MMD2: variants seen among roughly 807,000 people sequenced by gnomAD.
The protein encoded by MMD2 is monocyte to macrophage differentiation associated 2.
A neutral mutation model predicts 33.5 loss-of-function variants in MMD2; 30 were observed. That is an observed-to-expected ratio of 0.90 (90% CI 0.67 to 1.22). The LOEUF is 1.22. Among genes scored for constraint, MMD2 ranks in the 50% most tolerant of loss-of-function variants. The probability of loss-of-function intolerance (pLI) is 0.00; values close to 1 mark genes in which losing one functional copy is unlikely to be tolerated. For synonymous variants in MMD2, 129 were observed against 123.0 expected (o/e 1.05, Z -0.32); for missense variants, 364 against 325.4 (o/e 1.12, Z -0.91).
chr7:4,911,338 AG>A, intron 4 of MMD2, 92 bp from the exon 5 acceptor site: 2 of 1,026,720 alleles, frequency 1.9e-6, no homozygotes, highest in Middle Eastern at 2.3e-4. Flanking sequence ...AATGGACCCC[AG>A]GGAAGTCCTG....
At position 4,911,240 on chromosome 7, in the gene MMD2, G is replaced by A. The variant is rs1313616847; in HGVS notation, c.372C>T (p.Asn124=). ...FIAASYAPWL[N]LRELGPWASH... ...AGGCCCAGGGGCCCAGCTCCCGAAG[G>A]TTCAGCCTGGGAGAGAAAGAGCCAA... Residue 124 remains asparagine (N), a synonymous_variant, in exon 5 of 7, where the codon AAC becomes AAT. Transcript: ENST00000401401. The A allele has an allele frequency of 6.3e-7, 1 of 1,587,326 alleles. No individual in the cohort carries two copies. Among genetic ancestry groups the A allele is most frequent in the African/African-American group, 1.3e-5 (1 of 74,486 alleles).
chr7:4,913,186 A>G (rs1422846412), intron 4 of MMD2, among the ~76,000 whole-genome samples: 4 of 152,234 alleles, frequency 2.6e-5, no homozygotes, highest in Non-Finnish European at 5.9e-5. Context: ...CCTTCCAAGT[A>G]GACCTAAAAA....
At chr7:4,937,271 C>T (rs570108512) in intron 1 of MMD2, among the ~76,000 whole-genome samples, 211 of 151,600 alleles carry the variant, frequency 1.4e-3, no homozygotes, top group African/African-American at 4.4e-3. Context: ...GTGGCGCGCA[C>T]CTGTAATCCC....
Position 4,910,783 on chromosome 7 carries a change from G to C in MMD2, c.467+362C>G, listed in dbSNP as rs369317477. On this transcript the variant is annotated intron_variant, in intron 5 of 6. Coordinates refer to ENST00000401401, the MANE Select transcript of MMD2 (RefSeq NM_198403.4). ...AGTTGGGATTACAGGCACCCATCAT[G>C]ACACCCAGCTAATTTTTGTATTTTT... Among the ~76,000 whole-genome samples the C allele has an allele frequency of 3.3e-5, 5 of 152,122 alleles. No homozygotes were observed. In the South Asian group the frequency reaches 8.3e-4, roughly 25 times the overall value.
Position 4,914,529 on chromosome 7 carries a change from CAA to C in MMD2, c.365+1474_365+1475del. On this transcript the variant is annotated intron_variant, in intron 4 of 6. Coordinates refer to ENST00000401401, the MANE Select transcript of MMD2 (RefSeq NM_198403.4). ...TCGGTTTGTTTGTTTTTGTCCCCAA[CAA>C]AGAGAGGGAGCTGGGGGTTTTGTTT... 1.3e-5 allele frequency among the ~76,000 whole-genome samples: 2 copies of C among 152,120 alleles called. 1 individual carries two copies. Among genetic ancestry groups the C allele is most frequent in the East Asian group, 3.8e-4 (2 of 5,204 alleles).
intron 1 of MMD2, among the ~76,000 whole-genome samples, chr7:4,948,642 G>A (rs1786157364): frequency 6.6e-6 from 1 of 152,150 alleles, no homozygotes; most frequent in African/African-American, 2.4e-5. Context: ...TCACAAATGG[G>A]ATTAGTGCCC....
At chr7:4,927,750 G>A (rs1049012964) in intron 1 of MMD2, among the ~76,000 whole-genome samples, 3 of 151,988 alleles carry the variant, frequency 2.0e-5, no homozygotes, top group East Asian at 1.9e-4. Context: ...AAAAATTCCC[G>A]ATGTTTTGGT....
At chr7:4,908,385 G>A (rs1006127379) in intron 6 of MMD2, among the ~76,000 whole-genome samples, 5 of 151,834 alleles carry the variant, frequency 3.3e-5, no homozygotes, top group African/African-American at 9.6e-5. Flanking sequence ...GAGGTGATCT[G>A]CCCACCTTGG....
At chr7:4,926,116 T>C (rs1382704726) in intron 1 of MMD2, among the ~76,000 whole-genome samples, 1 of 151,282 alleles carries the variant, frequency 6.6e-6, no homozygotes, top group African/African-American at 2.4e-5. Context: ...TTTTTTTTCT[T>C]ACACGGGGTC....
intron 1 of MMD2, among the ~76,000 whole-genome samples, chr7:4,945,237 T>TTCTTCTTCTTCTTCTTCC (rs1451038341): frequency 2.1e-4 from 31 of 147,226 alleles, no homozygotes; most frequent in African/African-American, 7.6e-4. Context: ...CTTCTTCTTC[T>TTCTTCTTCTTCTTCTTCC]TCCTCTCTCT....
At chr7:4,909,502 G>A (rs6958339) in intron 6 of MMD2, among the ~76,000 whole-genome samples, 71,947 of 151,226 alleles carry the variant, frequency 0.48, 17,839 homozygotes, top group African/African-American at 0.61. Flanking sequence ...GAGTGCAGTG[G>A]TGCAATCTCG....
At chr7:4,903,429 C>G (rs961855903), downstream of MMD2, among the ~76,000 whole-genome samples, 1 of 152,042 alleles carries the variant, frequency 6.6e-6, no homozygotes, top group South Asian at 2.1e-4. Context: ...ATGATTCTCC[C>G]TCGCGGAGCC....
At chr7:4,926,159 G>A (rs1007469811) in intron 1 of MMD2, among the ~76,000 whole-genome samples, 1 of 151,530 alleles carries the variant, frequency 6.6e-6, no homozygotes, top group Non-Finnish European at 1.5e-5. Context: ...GTGCAGTGGT[G>A]CAATCATGGC....
intron 1 of MMD2, among the ~76,000 whole-genome samples, chr7:4,937,980 T>A (rs1785790093): frequency 6.9e-6 from 1 of 145,280 alleles, no homozygotes; most frequent in African/African-American, 2.5e-5. Flanking sequence ...TTTTTCTTTT[T>A]TTTTTCTTTT....
intron 6 of MMD2, among the ~76,000 whole-genome samples, chr7:4,908,292 C>A (rs1186784385): frequency 6.6e-6 from 1 of 151,698 alleles, no homozygotes; most frequent in South Asian, 2.1e-4. Flanking sequence ...CAGGCATGCA[C>A]CACCATGCCC....
intron 1 of MMD2, among the ~76,000 whole-genome samples, chr7:4,941,495 T>G (rs572079757): frequency 1.3e-5 from 2 of 152,096 alleles, no homozygotes; most frequent in East Asian, 3.9e-4. Context: ...CCGGGCGTGG[T>G]GGCGGGTGCC....
chr7:4,912,357 G>A (rs1420822977), intron 4 of MMD2, among the ~76,000 whole-genome samples: 15 of 151,854 alleles, frequency 9.9e-5, no homozygotes. Context: ...AGGAGATTGA[G>A]ACCATCCTGG....
At chr7:4,918,594 G>C (rs779715931) in intron 3 of MMD2, among the ~76,000 whole-genome samples, 7 of 148,642 alleles carry the variant, frequency 4.7e-5, no homozygotes, top group Non-Finnish European at 8.9e-5. Context: ...AGCAATTCTC[G>C]TGCCTCAGCC....
At chr7:4,932,431 A>C (rs1437817685) in intron 1 of MMD2, among the ~76,000 whole-genome samples, 2 of 152,000 alleles carry the variant, frequency 1.3e-5, no homozygotes, top group African/African-American at 4.8e-5. Flanking sequence ...ATAAAGCAAA[A>C]TTTCCTCTTT....
Sources: allele counts gnomAD v4.1 joint callset (sites outside exome capture counted in the v4.1 genomes callset), GRCh38; gene constraint gnomAD v4.1.1; transcripts MANE v1.5; gene names NCBI Gene and HGNC (gene_info 2026-07-23, HGNC 2026-07-21).